Variants in SPEF2 observed in about 807,000 individuals in gnomAD.
SPEF2 encodes the protein sperm flagella and cilia-associated protein 2.
Under a neutral mutation model 224.6 loss-of-function variants are expected in SPEF2, and 187 were observed. That is an observed-to-expected ratio of 0.83 (90% CI 0.74 to 0.94). The LOEUF is 0.94. SPEF2 is among the 40% of genes least tolerant of loss of function. SPEF2 has a pLI of 0.00. For synonymous variants in SPEF2, 715 were observed against 707.3 expected (o/e 1.01, Z -0.17); for missense variants, 2,170 against 2,135.6 (o/e 1.02, Z -0.32).
chr5:35,620,510 A>G (rs1245439568), intron 1 of SPEF2, among the ~76,000 whole-genome samples: 1 of 152,206 alleles, frequency 6.6e-6, no homozygotes. Flanking sequence ...TAAATGCTAA[A>G]TCCTACTTCT....
At chr5:35,702,198 G>A (rs1561223695) in intron 16 of SPEF2, 1 of 456,180 alleles carries the variant, frequency 2.2e-6, no homozygotes, top group Non-Finnish European at 4.4e-6. Flanking sequence ...ACTAGGGTTG[G>A]GTGCAACATG....
At chr5:35,759,834 A>C in intron 25 of SPEF2, 115 bp downstream of exon 25, 1 of 1,090,750 alleles carries the variant, frequency 9.2e-7, no homozygotes, top group Non-Finnish European at 1.2e-6. Context: ...TAAGATCCAA[A>C]AAAGCTCTAA....
intron 18 of SPEF2, among the ~76,000 whole-genome samples, chr5:35,707,544 T>C (rs1179914173): frequency 6.6e-6 from 1 of 151,964 alleles, no homozygotes; most frequent in African/African-American, 2.4e-5. Context: ...TAAAGAGAAA[T>C]AGTCATGCAA....
intron 26 of SPEF2, among the ~76,000 whole-genome samples, chr5:35,767,915 T>C (rs1752299728): frequency 6.6e-6 from 1 of 152,198 alleles, no homozygotes. Context: ...TCTATCTTGA[T>C]TCCTGACCAG....
At chr5:35,722,763 A>G (rs9292608) in intron 20 of SPEF2, among the ~76,000 whole-genome samples, 1 of 148,482 alleles carries the variant, frequency 6.7e-6, no homozygotes, top group African/African-American at 2.5e-5. Context: ...GCGATAGTTT[A>G]CTGAGAATGA....
At chr5:35,810,361 GC>G (rs1758459394) in intron 36 of SPEF2, among the ~76,000 whole-genome samples, 1 of 152,036 alleles carries the variant, frequency 6.6e-6, no homozygotes, top group Non-Finnish European at 1.5e-5. Context: ...ACAGGTGCCT[GC>G]CACCACGCCC....
At chr5:35,692,747 C>T (rs780015202) in intron 12 of SPEF2, 23 bp downstream of exon 12, 3 of 1,605,722 alleles carry the variant, frequency 1.9e-6, no homozygotes, top group Non-Finnish European at 2.5e-6. Flanking sequence ...CTAGTTTTCT[C>T]TTCTGCGCCT....
chr5:35,745,796 C>T (rs1266115042), intron 23 of SPEF2, among the ~76,000 whole-genome samples: 1 of 152,242 alleles, frequency 6.6e-6, no homozygotes, highest in East Asian at 1.9e-4. Context: ...CAGCCCACCG[C>T]TGGTCCCTCT....
chr5:35,811,016 T>C (rs1298422655), intron 36 of SPEF2, among the ~76,000 whole-genome samples: 1 of 151,764 alleles, frequency 6.6e-6, no homozygotes, highest in Admixed American at 6.6e-5. Flanking sequence ...GCCTGTGTCC[T>C]GAAAAGTCTA....
intron 33 of SPEF2, 54 bp from the exon 34 acceptor site, chr5:35,799,913 AC>A: frequency 6.3e-7 from 1 of 1,586,496 alleles, no homozygotes; most frequent in Non-Finnish European, 8.6e-7. Flanking sequence ...TGCATGACTA[AC>A]TACTGACTAT....
intron 29 of SPEF2, among the ~76,000 whole-genome samples, chr5:35,778,452 C>T (rs1021416215): frequency 6.6e-6 from 1 of 152,160 alleles, no homozygotes; most frequent in Non-Finnish European, 1.5e-5. Flanking sequence ...AGGATGAGAA[C>T]TCAGATTCCA....
rs555517017 is a variant in SPEF2 at position 35,621,157 on chromosome 5, T to C, written c.58+3102T>C. ...GAGAAAAAGAGGTTTAATACTTTAG[T>C]TGAAATATCGTAAGCATATTATAAT... On this transcript the variant is annotated intron_variant, in intron 1 of 36. Transcript: ENST00000356031. Among the ~76,000 whole-genome samples the C allele has an allele frequency of 2.2e-3, 330 of 152,296 alleles. 2 individuals are homozygous for C. The highest frequency in any genetic ancestry group is 3.3e-3 in the Non-Finnish European group (224 of 68,014).
Position 35,631,365 on chromosome 5 carries a change from C to T in SPEF2, c.161+2803C>T, listed in dbSNP as rs780716127. 9.9e-4 allele frequency among the ~76,000 whole-genome samples: 150 copies of T among 152,238 alleles called. 1 individual carries two copies. The highest frequency in any genetic ancestry group is 2.0e-3 in the Non-Finnish European group (133 of 68,020). ...TTGAGATTTGGGTGGGGACACAGAG[C>T]CAAACCATATCAGTTAGTGATTAGG... On this transcript the variant is annotated intron_variant, in intron 2 of 36. Coordinates refer to ENST00000356031, the MANE Select transcript of SPEF2 (RefSeq NM_024867.4).
chr5:35,689,827 C>T (rs1754188482), intron 10 of SPEF2, among the ~76,000 whole-genome samples: 1 of 151,978 alleles, frequency 6.6e-6, no homozygotes, highest in African/African-American at 2.4e-5. Flanking sequence ...GTACATTTGT[C>T]TGCTGTTACC....
intron 30 of SPEF2, among the ~76,000 whole-genome samples, chr5:35,784,414 C>A (rs556843399): frequency 7.7e-4 from 118 of 152,304 alleles, no homozygotes; most frequent in Non-Finnish European, 1.4e-3. Flanking sequence ...AGGCATGAGC[C>A]ACCGCGCCCG....
intron 10 of SPEF2, among the ~76,000 whole-genome samples, chr5:35,681,754 G>A (rs1401163017): frequency 6.6e-6 from 1 of 152,122 alleles, no homozygotes; most frequent in African/African-American, 2.4e-5. Context: ...AATGTAGAAT[G>A]CATTTTTTTG....
At chr5:35,648,626 T>G (rs1747743695) in intron 5 of SPEF2, among the ~76,000 whole-genome samples, 1 of 152,156 alleles carries the variant, frequency 6.6e-6, no homozygotes, top group African/African-American at 2.4e-5. Context: ...GCATCTGGCC[T>G]GATTAAAGTT....
intron 3 of SPEF2, chr5:35,643,684 A>T (rs750144927): frequency 6.0e-5 from 23 of 386,250 alleles, no homozygotes; most frequent in Non-Finnish European, 1.0e-4. Flanking sequence ...TTGATACTGG[A>T]TGAGAAGAGG....
intron 26 of SPEF2, among the ~76,000 whole-genome samples, chr5:35,769,955 G>C (rs1047047025): frequency 2.0e-5 from 3 of 150,598 alleles, no homozygotes; most frequent in African/African-American, 4.9e-5. Context: ...TGAGATTTTA[G>C]AGTTTTAAAC....
Sources: allele counts gnomAD v4.1 joint callset (sites outside exome capture counted in the v4.1 genomes callset), GRCh38; gene constraint gnomAD v4.1.1; transcripts MANE v1.5; gene names NCBI Gene and HGNC (gene_info 2026-07-23, HGNC 2026-07-21).